Variants in KAT6B observed in about 807,000 individuals in gnomAD.
KAT6B encodes histone acetyltransferase KAT6B.
Under a neutral mutation model 187.5 loss-of-function variants are expected in KAT6B, and 10 were observed. The ratio of observed to expected loss-of-function variants is 0.05; its 90% CI spans 0.03 to 0.09. The LOEUF is 0.09. Ranked by LOEUF, KAT6B falls within the 10% of genes least tolerant of loss-of-function variation. The probability of loss-of-function intolerance (pLI) is 1.00; values close to 1 mark genes in which losing one functional copy is unlikely to be tolerated. For synonymous variants in KAT6B, 861 were observed against 926.8 expected, an observed-to-expected ratio of 0.93 and a Z score of 1.29; for missense variants, 1,952 against 2,558.9, an observed-to-expected ratio of 0.76 and a Z score of 5.12.
At chr10:74,937,915 A>G (rs1390228440) in intron 3 of KAT6B, among the ~76,000 whole-genome samples, 2 of 152,132 alleles carry the variant, frequency 1.3e-5, no homozygotes, top group African/African-American at 2.4e-5. Flanking sequence ...CAGGGCTTTC[A>G]CTATAGGGTT....
chr10:74,994,864 C>T (rs945323642), intron 13 of KAT6B, among the ~76,000 whole-genome samples: 26 of 151,784 alleles, frequency 1.7e-4, no homozygotes, highest in African/African-American at 6.3e-4. Context: ...CCCATTGCTG[C>T]TTGGGTGTCA....
intron 3 of KAT6B, among the ~76,000 whole-genome samples, chr10:74,880,771 A>G (rs1844791210): frequency 6.6e-6 from 1 of 151,782 alleles, no homozygotes; most frequent in South Asian, 2.1e-4. Context: ...GCACGCCACC[A>G]TGCCCAGCTA....
At chr10:74,934,410 A>G (rs1207945447) in intron 3 of KAT6B, among the ~76,000 whole-genome samples, 10 of 152,222 alleles carry the variant, frequency 6.6e-5, no homozygotes, top group Admixed American at 6.5e-5. Flanking sequence ...AGCACCTTCT[A>G]GGCTTGTCTT....
chr10:74,957,510 A>G (rs1840776928), intron 3 of KAT6B, among the ~76,000 whole-genome samples: 1 of 152,228 alleles, frequency 6.6e-6, no homozygotes, highest in South Asian at 2.1e-4. Flanking sequence ...AAAACGAAAA[A>G]TGAGCATGAA....
intron 13 of KAT6B, among the ~76,000 whole-genome samples, chr10:75,009,434 T>C (rs1186718335): frequency 6.6e-6 from 1 of 152,208 alleles, no homozygotes; most frequent in Non-Finnish European, 1.5e-5. Context: ...GGAGATTCTT[T>C]GATTAACATA....
intron 4 of KAT6B, among the ~76,000 whole-genome samples, chr10:74,967,325 G>A (rs371576045): frequency 2.3e-4 from 28 of 120,534 alleles, no homozygotes; most frequent in African/African-American, 1.2e-3. Context: ...GCGAGACTCC[G>A]TCTCAAAAAA....
At chr10:74,936,125 G>A (rs931928472) in intron 3 of KAT6B, among the ~76,000 whole-genome samples, 9 of 152,156 alleles carry the variant, frequency 5.9e-5, no homozygotes, top group Admixed American at 1.3e-4. Flanking sequence ...ATTTTGGGCC[G>A]GGTGCGGTGG....
intron 3 of KAT6B, among the ~76,000 whole-genome samples, chr10:74,940,294 G>A (rs1189943656): frequency 2.3e-5 from 2 of 87,328 alleles, no homozygotes; most frequent in Admixed American, 1.2e-4. Context: ...TTTTTTTTTT[G>A]AGACAGAGTC....
chr10:74,917,674 A>G (rs778475409), intron 3 of KAT6B, among the ~76,000 whole-genome samples: 2 of 152,252 alleles, frequency 1.3e-5, no homozygotes, highest in Admixed American at 6.5e-5. Context: ...CTATCTCCCT[A>G]GAGAAGAGAG....
intron 3 of KAT6B, among the ~76,000 whole-genome samples, chr10:74,873,676 A>G (rs1361127288): frequency 6.6e-6 from 1 of 152,134 alleles, no homozygotes; most frequent in African/African-American, 2.4e-5. Flanking sequence ...GAACTTGCTC[A>G]TGGATTGGAA....
chr10:74,861,972 C>T (rs941370063), intron 3 of KAT6B, among the ~76,000 whole-genome samples: 2 of 152,202 alleles, frequency 1.3e-5, no homozygotes, highest in African/African-American at 4.8e-5. Context: ...TCTTTGTCTT[C>T]ATAGCAGCCA....
chr10:74,905,907 G>A (rs1026380965), intron 3 of KAT6B, among the ~76,000 whole-genome samples: 12 of 152,102 alleles, frequency 7.9e-5, no homozygotes, highest in African/African-American at 2.9e-4. Context: ...GCACATAAGG[G>A]CTCAAAAGTG....
At chr10:74,826,930 C>T (rs1445889535) in intron 1 of KAT6B, 145 bp downstream of exon 1, 1 of 150,866 alleles carries the variant, frequency 6.6e-6, no homozygotes, top group African/African-American at 2.4e-5. Context: ...GTCAGGCTGC[C>T]CCTGAGCGTG....
In KAT6B at chr10:74,959,977, C is replaced by G. The variant is rs752208606; in HGVS notation, c.629C>G (p.Ala210Gly). 1 of 1,606,082 alleles carries G rather than the reference C, an allele frequency of 6.2e-7. No individual in the cohort carries two copies. ...LLPHEKDQPR[A>G]DPIPICSFCL... The stretch of plus-strand genomic sequence containing the variant: ...ATTTTAATTTTGTCATAGCCCCGTG[C>G]TGATCCCATTCCAATATGTAGCTTC... Residue 210 changes from alanine (A) to glycine (G), a missense_variant, in exon 4 of 18, where the codon GCT becomes GGT. Physicochemically the swap from Ala to Gly is moderately conservative, Grantham distance 60 (BLOSUM62 0). Transcript: ENST00000287239.
Position 74,842,842 on chromosome 10 carries a change from A to C in KAT6B, c.-16A>C. Reference sequence around the variant, plus strand: ...TCTATGGGTAACTTTTGTGTTGAAGAAGTCATTTGTCAACCATGGTAAAAC... The same window carrying C: ...TCTATGGGTAACTTTTGTGTTGAAGCAGTCATTTGTCAACCATGGTAAAAC... On this transcript the variant is annotated 5_prime_UTR_variant, in exon 3 of 18. Transcript: ENST00000287239. 6.2e-6 allele frequency: 10 copies of C among 1,613,712 alleles called. No individual in the cohort carries two copies. The highest frequency in any genetic ancestry group is 8.5e-6 in the Non-Finnish European group (10 of 1,179,994).
At chr10:74,898,673 C>T (rs922124774) in intron 3 of KAT6B, among the ~76,000 whole-genome samples, 1 of 152,150 alleles carries the variant, frequency 6.6e-6, no homozygotes, top group African/African-American at 2.4e-5. Context: ...GAAAGAACTT[C>T]CACTTGGGTG....
rs55787052 is a variant in KAT6B at position 74,842,497 on chromosome 10, CT to C, written c.-258-101del. 0.21 allele frequency: 109,023 copies of C among 519,738 alleles called. 21,386 individuals carry two copies. Among genetic ancestry groups the C allele is most frequent in the African/African-American group, 0.71 (36,793 of 51,778 alleles). 32.2% of individuals were successfully genotyped at this position (519,738 alleles called of 1,614,324 possible). A position where few individuals can be genotyped will look rare whatever the true frequency, so the allele number is the denominator to read the frequency against. ...ATGTAATACCTGCCTGTCATTACTT[CT>C]TGTGGTCATTCTGTGTCTGAAAAAG... On this transcript the variant is annotated intron_variant, in intron 2 of 17. Transcript: ENST00000287239.
Position 74,914,745 on chromosome 10 carries a change from C to T in KAT6B, c.622-45225C>T, listed in dbSNP as rs11598637. Among the ~76,000 whole-genome samples the T allele has an allele frequency of 5.2e-3, 795 of 152,172 alleles. 4 individuals carry two copies. The highest frequency in any genetic ancestry group is 8.5e-3 in the Non-Finnish European group (580 of 67,984). Reference sequence around the variant, plus strand: ...CTGTTGACACATTCTACTTTGTTTTCGAAGACTAGTTTATAGTGTTCTTTT... The same window carrying T: ...CTGTTGACACATTCTACTTTGTTTTTGAAGACTAGTTTATAGTGTTCTTTT... On this transcript the variant is annotated intron_variant, in intron 3 of 17. Transcript: ENST00000287239.
In KAT6B at chr10:75,018,149, C is replaced by T. The variant is rs1845117738; in HGVS notation, c.2630-2433C>T. On this transcript the variant is annotated intron_variant, in intron 13 of 17. Coordinates refer to ENST00000287239, the MANE Select transcript of KAT6B (RefSeq NM_012330.4). Reference sequence around the variant, plus strand: ...CTTGGGTTTGCAGTTGTCTTCTTTACAGCACCCAGGGAAGCATGGCCTCCT... The same window carrying T: ...CTTGGGTTTGCAGTTGTCTTCTTTATAGCACCCAGGGAAGCATGGCCTCCT... Among the ~76,000 whole-genome samples the T allele has an allele frequency of 1.3e-5, 2 of 152,364 alleles. 1 individual carries two copies. Among genetic ancestry groups the T allele is most frequent in the South Asian group, 4.1e-4 (2 of 4,828 alleles).
Sources: gnomAD v4.1 joint callset for allele counts (sites outside exome capture counted in the v4.1 genomes callset) on GRCh38, gnomAD v4.1.1 for gene constraint, MANE v1.5 for transcripts, NCBI Gene and HGNC (gene_info 2026-07-23, HGNC 2026-07-21) for gene names.